The following CSMD2 variants were observed in gnomAD, a reference collection of about 807,000 sequenced individuals.
CSMD2 encodes the protein CUB and Sushi multiple domains 2.
In CSMD2, 130 loss-of-function variants were observed where a neutral mutation model predicts 398.5. That is an observed-to-expected ratio of 0.33 (90% CI 0.28 to 0.38). CSMD2 has a LOEUF of 0.38. Among genes scored for constraint, CSMD2 ranks in the 10% least tolerant of loss-of-function variants. The pLI, the probability that CSMD2 is intolerant of heterozygous loss-of-function variation, is 1.00. For synonymous variants in CSMD2, 1,828 were observed against 1,908.5 expected, an observed-to-expected ratio of 0.96 and a Z score of 1.10; for missense variants, 3,829 against 4,764.9, an observed-to-expected ratio of 0.80 and a Z score of 5.78.
At chr1:33,626,431 A>C in intron 33 of CSMD2, 55 bp downstream of exon 33, 1 of 1,280,350 alleles carries the variant, frequency 7.8e-7, no homozygotes, top group Non-Finnish European at 1.1e-6. Flanking sequence ...TTCGATCACG[A>C]GTCCCTTAAG....
chr1:33,852,638 C>T (rs1365833737), intron 5 of CSMD2, among the ~76,000 whole-genome samples: 1 of 152,238 alleles, frequency 6.6e-6, no homozygotes, highest in African/African-American at 2.4e-5. Flanking sequence ...CCTGGGCATA[C>T]CAAATTGTAC....
chr1:34,089,033 G>A lies in CSMD2; in HGVS notation c.348C>T (p.Asp116=). 6.2e-7 allele frequency: 1 copy of A among 1,614,204 alleles called. No homozygotes were observed. Among genetic ancestry groups the A allele is most frequent in the Non-Finnish European group, 8.5e-7 (1 of 1,180,040 alleles). ...CATCAAACACCGACAGGACATCAAA[G>A]TCCTCTTCCAGGGCAAAGGACTGGA... is the stretch of plus-strand genomic sequence containing the variant. ...LVFQSFALEE[D]FDVLSVFDGP... Residue 116 remains aspartate (D), a synonymous_variant, in exon 2 of 71, where the codon GAC becomes GAT. Transcript: ENST00000373381.
intron 1 of CSMD2, among the ~76,000 whole-genome samples, chr1:34,098,963 G>A (rs1484766441): frequency 2.6e-5 from 4 of 152,134 alleles, no homozygotes; most frequent in Non-Finnish European, 5.9e-5. Flanking sequence ...AAGTAATATG[G>A]TGAATATAGA....
chr1:33,888,075 A>C (rs1641720108), intron 5 of CSMD2, among the ~76,000 whole-genome samples: 1 of 152,190 alleles, frequency 6.6e-6, no homozygotes, highest in South Asian at 2.1e-4. Flanking sequence ...CACTAGACTT[A>C]TGTGATGAAA....
chr1:33,577,996 T>C (rs1201773651), intron 48 of CSMD2, among the ~76,000 whole-genome samples: 2 of 152,118 alleles, frequency 1.3e-5, no homozygotes, highest in African/African-American at 2.4e-5. Context: ...ACCTCACAGA[T>C]TTTTGGGCAA....
rs760416556 is a variant in CSMD2 at position 33,524,862 on chromosome 1, T to A, written c.10396+20A>T. The A allele has an allele frequency of 4.0e-5, 64 of 1,611,748 alleles. No homozygotes were observed. In the East Asian group the frequency reaches 1.2e-3, roughly 30 times the overall value. ...TGCCCATCCATCCTCCCGGCTTTCA[T>A]AGAGGGGCCTGCTCCTTACCAGCCA... On this transcript the variant is annotated intron_variant, in intron 66 of 70. Transcript: ENST00000373381.
At chr1:33,967,573 C>CATG (rs1298098689) in intron 3 of CSMD2, among the ~76,000 whole-genome samples, 1 of 152,198 alleles carries the variant, frequency 6.6e-6, no homozygotes, top group Non-Finnish European at 1.5e-5. Context: ...GCCAAACGTC[C>CATG]ATGATGGTCA....
At chr1:33,553,120 A>C (rs952027987) in intron 55 of CSMD2, among the ~76,000 whole-genome samples, 2 of 152,180 alleles carry the variant, frequency 1.3e-5, no homozygotes, top group Non-Finnish European at 1.5e-5. Context: ...TTACAGGTAC[A>C]CCTAGTTTTA....
rs756407376 is a variant in CSMD2, at chr1:33,624,503, G to A, written c.5625+16C>T. The A allele has an allele frequency of 2.0e-5, 33 of 1,611,188 alleles. No homozygotes were observed. Among genetic ancestry groups the A allele is most frequent in the African/African-American group, 6.7e-5 (5 of 74,880 alleles). On this transcript the variant is annotated intron_variant, in intron 35 of 70. Transcript: ENST00000373381. This position sits in a 1 kb window ranked among gnomAD's most constrained non-coding sequence, Gnocchi z 4.7. ...AGACGGCCACCTGCCCGACCGAGGCGCCCCCTTGCCCCTACCTGGATGCCA... is the reference window on the plus strand; with the variant it reads ...AGACGGCCACCTGCCCGACCGAGGCACCCCCTTGCCCCTACCTGGATGCCA...
Position 33,554,185 on chromosome 1 carries a change from C to CTTTT in CSMD2, c.8743+3545_8743+3548dup, listed in dbSNP as rs397860875. Among the ~76,000 whole-genome samples the CTTTT allele has an allele frequency of 1.8e-3, 137 of 74,392 alleles. 2 individuals carry two copies. Among genetic ancestry groups the CTTTT allele is most frequent in the African/African-American group, 5.6e-3 (104 of 18,586 alleles). The allele number at this position is 74,392 out of a possible 152,430, so 48.8% of individuals were successfully genotyped here. ...AGATTTTAAAGGTAGAAAAAACAGC[C>CTTTT]TTTTTTTTTTTTTTTTTTTTTTTTG... On this transcript the variant is annotated intron_variant, in intron 55 of 70. Coordinates refer to ENST00000373381, the MANE Select transcript of CSMD2 (RefSeq NM_001281956.2).
At chr1:33,989,178 A>G (rs956510629) in intron 3 of CSMD2, among the ~76,000 whole-genome samples, 2 of 151,356 alleles carry the variant, frequency 1.3e-5, no homozygotes, top group African/African-American at 4.9e-5. Flanking sequence ...AATTCAATTT[A>G]AAAATGGGCA....
chr1:34,066,413 T>C (rs1478255610), intron 2 of CSMD2, among the ~76,000 whole-genome samples: 1 of 152,208 alleles, frequency 6.6e-6, no homozygotes, highest in Non-Finnish European at 1.5e-5. Flanking sequence ...CAGCGTTCCC[T>C]GATCCTTTGC....
intron 5 of CSMD2, chr1:33,875,687 G>T (rs549695822): frequency 6.6e-6 from 1 of 152,346 alleles, no homozygotes; most frequent in Non-Finnish European, 1.5e-5. Context: ...GAGACTGGAG[G>T]TAGGTGTAAT....
chr1:33,961,061 G>T (rs781362208), intron 3 of CSMD2, among the ~76,000 whole-genome samples: 1 of 152,178 alleles, frequency 6.6e-6, no homozygotes, highest in Non-Finnish European at 1.5e-5. Context: ...CCATCAATGC[G>T]CTACAGCGCA....
intron 5 of CSMD2, among the ~76,000 whole-genome samples, chr1:33,865,365 C>A (rs1273667688): frequency 6.7e-6 from 1 of 150,002 alleles, no homozygotes; most frequent in Admixed American, 6.6e-5. Context: ...CAGGGGTGTT[C>A]CCTAATCAGG....
Position 33,837,347 on chromosome 1 carries a change from T to C in CSMD2, c.1033+9537A>G, listed in dbSNP as rs116373747. 6.0e-3 allele frequency among the ~76,000 whole-genome samples: 908 copies of C among 152,200 alleles called. 3 individuals are homozygous for C. The highest frequency in any genetic ancestry group is 0.01 in the Non-Finnish European group (698 of 68,016). ...GAAGATGAACAACATAGAAAGAACA[T>C]AGAGAATTTCTGGGATATATTCATT... is the stretch of plus-strand genomic sequence containing the variant. On this transcript the variant is annotated intron_variant, in intron 6 of 70. Coordinates refer to ENST00000373381, the MANE Select transcript of CSMD2 (RefSeq NM_001281956.2).
intron 5 of CSMD2, among the ~76,000 whole-genome samples, chr1:33,866,893 T>G (rs1383580416): frequency 6.6e-6 from 1 of 152,260 alleles, no homozygotes; most frequent in Admixed American, 6.5e-5. Context: ...CCTTACAGGT[T>G]GTTTTAGCAA....
intron 1 of CSMD2, among the ~76,000 whole-genome samples, chr1:34,112,484 C>G (rs543099141): frequency 6.6e-6 from 1 of 152,310 alleles, no homozygotes; most frequent in Admixed American, 6.5e-5. Context: ...GTGGACTGCT[C>G]TGCAGAGTTA....
chr1:33,740,951 A>AGC (rs1647040185), intron 14 of CSMD2, among the ~76,000 whole-genome samples: 2 of 152,002 alleles, frequency 1.3e-5, no homozygotes, highest in African/African-American at 4.8e-5. Flanking sequence ...ACCTTTCCAA[A>AGC]CCTCAGTTTT....
Sources: gnomAD v4.1 joint callset for allele counts (sites outside exome capture counted in the v4.1 genomes callset) on GRCh38, gnomAD v4.1.1 for gene constraint, Gnocchi (gnomAD v3.1) non-coding constraint, MANE v1.5 for transcripts, NCBI Gene and HGNC (gene_info 2026-07-23, HGNC 2026-07-21) for gene names.